Variants in DCLK2 observed in about 807,000 individuals in gnomAD.
DCLK2 encodes the protein serine/threonine-protein kinase DCLK2.
Under a neutral mutation model 78.4 loss-of-function variants are expected in DCLK2, and 31 were observed. That is an observed-to-expected ratio of 0.40 (90% CI 0.30 to 0.53). The LOEUF is 0.53. Among genes scored for constraint, DCLK2 ranks in the 20% least tolerant of loss-of-function variants. DCLK2 has a pLI of 0.61. For synonymous variants in DCLK2, 407 were observed against 374.9 expected (o/e 1.09, Z -0.99); for missense variants, 872 against 973.7 (o/e 0.90, Z 1.39).
intron 8 of DCLK2, among the ~76,000 whole-genome samples, 167 bp from the exon 9 acceptor site, chr4:150,232,170 C>G (rs1219696536): frequency 6.6e-6 from 1 of 152,206 alleles, no homozygotes. Flanking sequence ...CACACTGACC[C>G]TGTCCCTACA....
chr4:150,128,754 A>G (rs1015564522), intron 2 of DCLK2, among the ~76,000 whole-genome samples: 4 of 152,174 alleles, frequency 2.6e-5, no homozygotes, highest in Non-Finnish European at 4.4e-5. Flanking sequence ...CAGGAAATGA[A>G]AAAGATAAAG....
Position 150,102,558 on chromosome 4 carries a change from A to C in DCLK2, c.502A>C (p.Asn168His). Reference sequence around the variant, plus strand: ...AAATATTAATCCAAACTGGTCTGTGAACATCAAGGGTGGGACATCCCGAGC... The same window carrying C: ...AAATATTAATCCAAACTGGTCTGTGCACATCAAGGGTGGGACATCCCGAGC... ...TKNINPNWSV[N>H]IKGGTSRALA... is the part of the protein sequence containing the mutation. The change falls in exon 2 of 16, where the codon AAC becomes CAC. Residue 168 changes from asparagine (N) to histidine (H), a missense_variant. Physicochemically the swap from Asn to His is moderately conservative, Grantham distance 68 (BLOSUM62 1). Around this residue, in one of 3 missense-constraint regions of DCLK2, gnomAD observed 567 missense variants for 593.4 expected, o/e 0.96. Coordinates refer to ENST00000296550, the MANE Select transcript of DCLK2 (RefSeq NM_001040260.4). 1 of 1,614,208 alleles carries C rather than the reference A, an allele frequency of 6.2e-7. No individual in the cohort carries two copies. The highest frequency in any genetic ancestry group is 2.2e-5 in the East Asian group (1 of 44,888).
chr4:150,238,174 A>G (rs181828840), intron 10 of DCLK2, among the ~76,000 whole-genome samples: 36 of 152,190 alleles, frequency 2.4e-4, no homozygotes, highest in African/African-American at 8.7e-4. Context: ...CCACTTAGAG[A>G]TAAACTTGTT....
At chr4:150,110,627 A>G (rs111887185) in intron 2 of DCLK2, among the ~76,000 whole-genome samples, 6,610 of 151,622 alleles carry the variant, frequency 0.044, 439 homozygotes, top group African/African-American at 0.14. Flanking sequence ...TTAATCCCCT[A>G]CCCCCTTCCA....
chr4:150,150,543 G>C (rs1358793515), intron 2 of DCLK2, among the ~76,000 whole-genome samples: 2 of 152,186 alleles, frequency 1.3e-5, no homozygotes, highest in Non-Finnish European at 2.9e-5. Flanking sequence ...ATTTAGCACT[G>C]TGTCACAGAG....
intron 15 of DCLK2, 60 bp from the exon 16 acceptor site, chr4:150,255,960 G>T: frequency 1.3e-6 from 2 of 1,581,758 alleles, no homozygotes; most frequent in Non-Finnish European, 1.7e-6. Flanking sequence ...CTCTGCTCGT[G>T]GCAGCTGGGA....
Position 150,248,295 on chromosome 4 carries a change from T to G in DCLK2, c.1876-10T>G. The G allele has an allele frequency of 6.2e-7, 1 of 1,613,208 alleles. No homozygotes were observed. Among genetic ancestry groups the G allele is most frequent in the Non-Finnish European group, 8.5e-7 (1 of 1,179,274 alleles). ...CTCCTCTGTGGTCTGACTTGTTTGT[T>G]TATTTGTAGGAATTAATCAGTCAAA... On this transcript the variant is annotated splice_polypyrimidine_tract_variant and intron_variant, in intron 13 of 15. Transcript: ENST00000296550.
At chr4:150,154,977 T>G (rs1453179538) in intron 2 of DCLK2, among the ~76,000 whole-genome samples, 1 of 152,140 alleles carries the variant, frequency 6.6e-6, no homozygotes, top group Non-Finnish European at 1.5e-5. Flanking sequence ...TGCTTGTAAA[T>G]CCCAGCACTT....
chr4:150,116,706 G>A (rs1732119744), intron 2 of DCLK2, among the ~76,000 whole-genome samples: 1 of 152,192 alleles, frequency 6.6e-6, no homozygotes. Flanking sequence ...TAGCCTTAGT[G>A]TGTTGGCTTT....
chr4:150,134,080 T>A (rs1288433288), intron 2 of DCLK2, among the ~76,000 whole-genome samples: 1 of 141,266 alleles, frequency 7.1e-6, no homozygotes, highest in East Asian at 2.0e-4. Context: ...TAAACTCTTT[T>A]TTTTTTTTTT....
At chr4:150,134,957 T>C (rs1484936424) in intron 2 of DCLK2, among the ~76,000 whole-genome samples, 1 of 152,174 alleles carries the variant, frequency 6.6e-6, no homozygotes, top group East Asian at 1.9e-4. Context: ...TAGATGAGTA[T>C]ATGTTTTAAA....
chr4:150,102,920 G>T (rs1730987194), intron 2 of DCLK2, 108 bp downstream of exon 2: 4 of 1,048,906 alleles, frequency 3.8e-6, no homozygotes, highest in Non-Finnish European at 5.4e-6. Context: ...AAATCCTTCT[G>T]GGAGTCATAC....
At chr4:150,208,454 C>T (rs1207140551) in intron 5 of DCLK2, among the ~76,000 whole-genome samples, 1 of 150,420 alleles carries the variant, frequency 6.6e-6, no homozygotes, top group Non-Finnish European at 1.5e-5. Context: ...CGGAGTCTTG[C>T]TATGTTGCCC....
chr4:150,172,873 T>G (rs1471226384), intron 2 of DCLK2, among the ~76,000 whole-genome samples: 2 of 151,698 alleles, frequency 1.3e-5, no homozygotes, highest in Non-Finnish European at 1.5e-5. Flanking sequence ...GTCGTAGGAA[T>G]GGAGTAGAGG....
chr4:150,243,348 T>C (rs1321377685), intron 12 of DCLK2, among the ~76,000 whole-genome samples: 1 of 151,028 alleles, frequency 6.6e-6, no homozygotes, highest in Non-Finnish European at 1.5e-5. Context: ...TTATATCATA[T>C]TGTGATGAAA....
intron 5 of DCLK2, among the ~76,000 whole-genome samples, chr4:150,207,623 G>A (rs1208772174): frequency 6.6e-6 from 1 of 152,142 alleles, no homozygotes; most frequent in Non-Finnish European, 1.5e-5. Flanking sequence ...AGCCAGTAGC[G>A]GAAGGAAAGC....
At chr4:150,253,379 C>T (rs1287913687) in intron 15 of DCLK2, 2 of 1,247,254 alleles carry the variant, frequency 1.6e-6, no homozygotes, top group Admixed American at 2.3e-5. Context: ...GAGCTGGGGC[C>T]TGAGACTTCA....
chr4:150,092,085 C>A (rs958492800), intron 1 of DCLK2, among the ~76,000 whole-genome samples: 1 of 151,952 alleles, frequency 6.6e-6, no homozygotes, highest in Non-Finnish European at 1.5e-5. Context: ...TGGCTTATTT[C>A]ATTTAACATA....
chr4:150,241,197 A>G (rs1742903775), intron 12 of DCLK2, among the ~76,000 whole-genome samples: 1 of 152,254 alleles, frequency 6.6e-6, no homozygotes, highest in Admixed American at 6.5e-5. Context: ...GAATAGAATT[A>G]CAAACACTTG....
Sources: allele counts gnomAD v4.1 joint callset (sites outside exome capture counted in the v4.1 genomes callset), GRCh38; gene constraint gnomAD v4.1.1; regional missense constraint gnomAD v4.1.1; transcripts MANE v1.5; gene names NCBI Gene and HGNC (gene_info 2026-07-23, HGNC 2026-07-21).